Variants in STAG1 observed in about 807,000 individuals in gnomAD.
STAG1 encodes cohesin subunit SA-1.
A neutral mutation model predicts 170.9 loss-of-function variants in STAG1; 26 were observed. The ratio of observed to expected loss-of-function variants is 0.15; its 90% confidence interval spans 0.11 to 0.21. The LOEUF (loss-of-function observed/expected upper bound fraction) is 0.21, where lower values mean the gene tolerates loss of function less well. STAG1 is among the 10% of genes least tolerant of loss of function. STAG1 has a pLI of 1.00. For synonymous variants in STAG1, 514 were observed against 497.7 expected, an observed-to-expected ratio of 1.03 and a Z score of -0.44; for missense variants, 964 against 1,509.5, an observed-to-expected ratio of 0.64 and a Z score of 5.99.
intron 6 of STAG1, among the ~76,000 whole-genome samples, chr3:136,532,711 CCAA>C (rs1935439037): frequency 6.6e-6 from 1 of 152,068 alleles, no homozygotes; most frequent in African/African-American, 2.4e-5. Context: ...TTGGTAAAAT[CCAA>C]CAACGCTTCA....
At chr3:136,747,163 C>A (rs1184660400) in intron 1 of STAG1, among the ~76,000 whole-genome samples, 2 of 146,706 alleles carry the variant, frequency 1.4e-5, no homozygotes, top group Admixed American at 1.4e-4. Context: ...TTCCCAGCTA[C>A]TCAGGAGGCT....
chr3:136,517,731 T>C (rs188274547), intron 7 of STAG1, among the ~76,000 whole-genome samples: 1 of 152,188 alleles, frequency 6.6e-6, no homozygotes, highest in East Asian at 1.9e-4. Context: ...CAATGTTTCT[T>C]ACATAAATTA....
chr3:136,484,189 T>C (rs1216707120), intron 9 of STAG1, among the ~76,000 whole-genome samples: 1 of 151,218 alleles, frequency 6.6e-6, no homozygotes, highest in African/African-American at 2.4e-5. Context: ...TCTGTTCTGT[T>C]TTTTCCCCAT....
At chr3:136,615,987 C>G (rs906922769) in intron 3 of STAG1, among the ~76,000 whole-genome samples, 1 of 151,526 alleles carries the variant, frequency 6.6e-6, no homozygotes. Context: ...AGTCATCAGA[C>G]GCTGGGCGCA....
intron 16 of STAG1, among the ~76,000 whole-genome samples, chr3:136,428,039 G>A (rs1458720026): frequency 6.6e-6 from 1 of 151,538 alleles, no homozygotes; most frequent in Non-Finnish European, 1.5e-5. Flanking sequence ...AAGGATATCT[G>A]CCTGCAAAGG....
At chr3:136,487,339 A>C (rs1434734027) in intron 9 of STAG1, among the ~76,000 whole-genome samples, 1 of 152,184 alleles carries the variant, frequency 6.6e-6, no homozygotes, top group Admixed American at 6.5e-5. Flanking sequence ...ATGGTATTCC[A>C]TGGAGTGTAT....
At chr3:136,581,132 T>C (rs981143523) in intron 4 of STAG1, among the ~76,000 whole-genome samples, 2 of 152,216 alleles carry the variant, frequency 1.3e-5, no homozygotes, top group African/African-American at 4.8e-5. Flanking sequence ...ATTATAGGTA[T>C]GTGCCAGCAA....
intron 6 of STAG1, among the ~76,000 whole-genome samples, chr3:136,525,589 A>G (rs1308265881): frequency 6.6e-6 from 1 of 151,808 alleles, no homozygotes; most frequent in Admixed American, 6.6e-5. Flanking sequence ...TTCTGTCTCT[A>G]TCTCCTTCAG....
At chr3:136,714,601 G>A (rs569535774) in intron 1 of STAG1, among the ~76,000 whole-genome samples, 8 of 151,998 alleles carry the variant, frequency 5.3e-5, no homozygotes, top group South Asian at 2.1e-4. Flanking sequence ...GGTGGCGGGC[G>A]CCTGTAGTCC....
intron 3 of STAG1, among the ~76,000 whole-genome samples, chr3:136,619,401 T>TAG (rs953498024): frequency 6.6e-6 from 1 of 151,234 alleles, no homozygotes; most frequent in Non-Finnish European, 1.5e-5. Flanking sequence ...AAATGTATGT[T>TAG]ACGTTAGCGC....
At position 136,341,419 on chromosome 3, in the gene STAG1, T is replaced by G. The variant is rs1361490802; in HGVS notation, c.3557+22A>C. 6 of 1,463,162 alleles carry G rather than the reference T, an allele frequency of 4.1e-6. No individual in the cohort carries two copies. The Admixed American group carries it at 1.0e-4, about 25-fold the overall frequency. 90.6% of individuals were successfully genotyped at this position (1,463,162 alleles called of 1,614,324 possible). A position where few individuals can be genotyped will look rare whatever the true frequency, so the allele number is the denominator to read the frequency against. ...GCATCACATAGTTGTTATGTTCTTGTGATACTCCATGTAACACTTACACAG... is the reference window on the plus strand; with the variant it reads ...GCATCACATAGTTGTTATGTTCTTGGGATACTCCATGTAACACTTACACAG... On this transcript the variant is annotated intron_variant, in intron 31 of 33. Coordinates refer to ENST00000383202, the MANE Select transcript of STAG1 (RefSeq NM_005862.3).
At chr3:136,622,575 A>G (rs1167034952) in intron 3 of STAG1, among the ~76,000 whole-genome samples, 1 of 152,198 alleles carries the variant, frequency 6.6e-6, no homozygotes, top group Non-Finnish European at 1.5e-5. Context: ...ATAAAATAGA[A>G]AAGAATTACT....
intron 4 of STAG1, among the ~76,000 whole-genome samples, chr3:136,599,487 C>A (rs895062349): frequency 6.6e-6 from 1 of 152,064 alleles, no homozygotes; most frequent in Non-Finnish European, 1.5e-5. Flanking sequence ...GCCGAGATTG[C>A]GCCACTGCAC....
chr3:136,453,590 CAAA>C (rs34324239), intron 13 of STAG1, among the ~76,000 whole-genome samples: 1 of 98,442 alleles, frequency 1.0e-5, no homozygotes. Context: ...GACTATGTCT[CAAA>C]AAAAAAAAAA....
chr3:136,680,520 CA>C (rs1035183785), intron 1 of STAG1, among the ~76,000 whole-genome samples: 2 of 151,820 alleles, frequency 1.3e-5, no homozygotes, highest in African/African-American at 2.4e-5. Context: ...TTGGGAGGCA[CA>C]GGGGCAGGGA....
Position 136,372,270 on chromosome 3 carries a change from A to G in STAG1, c.2371-2988T>C, listed in dbSNP as rs556131350. On this transcript the variant is annotated intron_variant, in intron 23 of 33. Coordinates refer to ENST00000383202, the MANE Select transcript of STAG1 (RefSeq NM_005862.3). ...TGGGCTGAGACGATGGGGTTTTCTAAATATACAATCATGTCATCTGCAAAC... is the reference window on the plus strand; with the variant it reads ...TGGGCTGAGACGATGGGGTTTTCTAGATATACAATCATGTCATCTGCAAAC... Among the ~76,000 whole-genome samples, 20 of 152,254 alleles carry G rather than the reference A, an allele frequency of 1.3e-4. No homozygotes were observed. In the South Asian group the frequency reaches 3.9e-3, roughly 30 times the overall value.
intron 1 of STAG1, among the ~76,000 whole-genome samples, chr3:136,653,212 C>T (rs966366106): frequency 6.0e-5 from 9 of 151,152 alleles, no homozygotes; most frequent in Admixed American, 1.3e-4. Flanking sequence ...GCAGAAGTTG[C>T]GGTGAGCCGA....
intron 6 of STAG1, among the ~76,000 whole-genome samples, chr3:136,541,229 G>C (rs1171887231): frequency 6.6e-6 from 1 of 151,986 alleles, no homozygotes; most frequent in Non-Finnish European, 1.5e-5. Context: ...CAATATTTTA[G>C]TGCTGAAAGT....
At chr3:136,486,416 G>A (rs1407380659) in intron 9 of STAG1, among the ~76,000 whole-genome samples, 2 of 152,176 alleles carry the variant, frequency 1.3e-5, no homozygotes, top group Non-Finnish European at 2.9e-5. Flanking sequence ...CAAGCTAACA[G>A]TAGCAAAAAT....
Sources: allele counts gnomAD v4.1 joint callset (sites outside exome capture counted in the v4.1 genomes callset), GRCh38; gene constraint gnomAD v4.1.1; transcripts MANE v1.5; gene names NCBI Gene and HGNC (gene_info 2026-07-23, HGNC 2026-07-21).